The following NOX4 variants were observed in gnomAD, a reference collection of about 807,000 sequenced individuals.
NOX4 encodes NADPH oxidase 4.
NOX4 carries 69 observed loss-of-function variants against 87.6 expected under a neutral mutation model. The observed-to-expected ratio is 0.79, with a 90% CI of 0.65 to 0.96. The LOEUF is 0.96. Among genes scored for constraint, NOX4 ranks in the 40% least tolerant of loss-of-function variants. NOX4 has a pLI of 0.00. For missense variants in NOX4, 680 were observed against 681.5 expected, an observed-to-expected ratio of 1.00 and a Z score of 0.02; for synonymous variants, 275 against 238.2, an observed-to-expected ratio of 1.15 and a Z score of -1.42.
intron 11 of NOX4, among the ~76,000 whole-genome samples, chr11:89,386,546 C>A (rs181492659): frequency 1.3e-5 from 2 of 152,218 alleles, no homozygotes; most frequent in Admixed American, 6.5e-5. Flanking sequence ...CTACCTCTCC[C>A]CAACTATCCC....
chr11:89,459,348 C>T (rs1945347304), intron 2 of NOX4, among the ~76,000 whole-genome samples: 1 of 152,024 alleles, frequency 6.6e-6, no homozygotes, highest in Non-Finnish European at 1.5e-5. Flanking sequence ...TGGTACTATG[C>T]TTATTACTTG....
chr11:89,418,225 C>T (rs1289344549), intron 8 of NOX4, among the ~76,000 whole-genome samples: 1 of 151,698 alleles, frequency 6.6e-6, no homozygotes, highest in African/African-American at 2.4e-5. Flanking sequence ...AGATCACATA[C>T]TCCAAGAACA....
At chr11:89,334,533 G>C (rs1003580119) in intron 17 of NOX4, among the ~76,000 whole-genome samples, 14 of 151,588 alleles carry the variant, frequency 9.2e-5, no homozygotes, top group African/African-American at 3.4e-4. Context: ...GTAGAGATAG[G>C]GATCATCTTG....
At chr11:89,401,247 C>A (rs1941836797) in intron 9 of NOX4, among the ~76,000 whole-genome samples, 1 of 152,026 alleles carries the variant, frequency 6.6e-6, no homozygotes, top group African/African-American at 2.4e-5. Context: ...TTATGAGTAG[C>A]ACTACAAGAC....
intron 6 of NOX4, among the ~76,000 whole-genome samples, chr11:89,438,792 G>GCATAATA (rs1565293177): frequency 2.1e-4 from 2 of 9,444 alleles, no homozygotes; most frequent in African/African-American, 3.6e-4. Context: ...AATATATAGT[G>GCATAATA]TATAATATAT....
chr11:89,388,354 A>G (rs1940866468), intron 11 of NOX4, among the ~76,000 whole-genome samples: 2 of 152,038 alleles, frequency 1.3e-5, no homozygotes, highest in African/African-American at 4.8e-5. Context: ...AATCCACAGA[A>G]CAAAGCTTCC....
chr11:89,400,144 C>T lies in NOX4; in HGVS notation c.1012-65G>A, dbSNP rs1941741847. ...AAGAATTTCAACTATTTCAATGATGCTATGTTTGCTAAATTCCAAAAATTA... is the reference window on the plus strand; with the variant it reads ...AAGAATTTCAACTATTTCAATGATGTTATGTTTGCTAAATTCCAAAAATTA... On this transcript the variant is annotated intron_variant, in intron 10 of 17. Transcript: ENST00000263317. 7 of 1,575,310 alleles carry T rather than the reference C, an allele frequency of 4.4e-6. No homozygotes were observed. The East Asian group carries it at 6.8e-5, about 15-fold the overall frequency.
At chr11:89,405,427 T>A (rs1325242637) in intron 8 of NOX4, among the ~76,000 whole-genome samples, 1 of 152,084 alleles carries the variant, frequency 6.6e-6, no homozygotes, top group African/African-American at 2.4e-5. Flanking sequence ...AAAACTGTCC[T>A]TACTTTGTCT....
At chr11:89,479,070 C>A (rs1946284574) in intron 2 of NOX4, among the ~76,000 whole-genome samples, 2 of 151,734 alleles carry the variant, frequency 1.3e-5, no homozygotes, top group South Asian at 4.2e-4. Flanking sequence ...GTAATCTCAT[C>A]ACCTTATCTC....
intron 13 of NOX4, among the ~76,000 whole-genome samples, chr11:89,345,727 T>C (rs1946187924): frequency 6.6e-6 from 1 of 152,142 alleles, no homozygotes; most frequent in Admixed American, 6.6e-5. Context: ...GCAGAAAAAG[T>C]TTTTGATAAA....
At position 89,332,048 on chromosome 11, in the gene NOX4, G is replaced by A. The variant is rs559187367; in HGVS notation, c.1616+3797C>T. Among the ~76,000 whole-genome samples, 246 of 151,778 alleles carry A rather than the reference G, an allele frequency of 1.6e-3. 1 individual carries two copies. Among genetic ancestry groups the A allele is most frequent in the South Asian group, 5.8e-3 (28 of 4,810 alleles). Reference sequence around the variant, plus strand: ...TGATGGAATGAGTGGAGGTAGATTCGGGTACTAAGAAAATGTGGTTTGGGG... The same window carrying A: ...TGATGGAATGAGTGGAGGTAGATTCAGGTACTAAGAAAATGTGGTTTGGGG... On this transcript the variant is annotated intron_variant, in intron 17 of 17. Coordinates refer to ENST00000263317, the MANE Select transcript of NOX4 (RefSeq NM_016931.5).
intron 8 of NOX4, among the ~76,000 whole-genome samples, chr11:89,417,696 TA>T (rs1942861144): frequency 6.6e-6 from 1 of 152,128 alleles, no homozygotes; most frequent in Non-Finnish European, 1.5e-5. Context: ...TTTTCAAAGT[TA>T]AATGTGGAGT....
the NOX4 span, among the ~76,000 whole-genome samples, chr11:89,566,333 T>C: frequency 6.6e-6 from 1 of 152,160 alleles, no homozygotes; most frequent in Non-Finnish European, 1.5e-5. Flanking sequence ...TGAGCCACCA[T>C]GCCCAGCCTA....
intron 8 of NOX4, among the ~76,000 whole-genome samples, chr11:89,411,174 A>C (rs1942459517): frequency 6.6e-6 from 1 of 152,062 alleles, no homozygotes; most frequent in Non-Finnish European, 1.5e-5. Flanking sequence ...TGGCAAGATT[A>C]ATCATCTTCT....
At chr11:89,509,623 T>A in the NOX4 span, among the ~76,000 whole-genome samples, 1 of 152,078 alleles carries the variant, frequency 6.6e-6, no homozygotes, top group Non-Finnish European at 1.5e-5. Context: ...TATTTGTTAA[T>A]GAATTTAAAC....
At chr11:89,368,580 T>C (rs61557810) in intron 12 of NOX4, among the ~76,000 whole-genome samples, 8,453 of 152,072 alleles carry the variant, frequency 0.056, 797 homozygotes, top group African/African-American at 0.19. Context: ...GTCAATCAAC[T>C]CCCTCAATCC....
chr11:89,570,309 T>C, the NOX4 span, among the ~76,000 whole-genome samples: 1 of 152,148 alleles, frequency 6.6e-6, no homozygotes, highest in African/African-American at 2.4e-5. Flanking sequence ...ATATTGAGTA[T>C]ACATGGTTAT....
At chr11:89,476,293 T>C (rs1946164060) in intron 2 of NOX4, among the ~76,000 whole-genome samples, 2 of 152,186 alleles carry the variant, frequency 1.3e-5, no homozygotes, top group Admixed American at 6.5e-5. Flanking sequence ...TTGTTTTTAC[T>C]GTAACTATAT....
chr11:89,526,067 T>C, the NOX4 span, among the ~76,000 whole-genome samples: 2 of 152,308 alleles, frequency 1.3e-5, no homozygotes, highest in South Asian at 4.1e-4. Context: ...TGAATCTTTA[T>C]GTCAATAACA....
Sources: gnomAD v4.1 joint callset for allele counts (sites outside exome capture counted in the v4.1 genomes callset) on GRCh38, gnomAD v4.1.1 for gene constraint, MANE v1.5 for transcripts, NCBI Gene and HGNC (gene_info 2026-07-23, HGNC 2026-07-21) for gene names.